Variants in B3GALT1 observed in about 807,000 individuals in gnomAD.
B3GALT1 encodes the protein beta-1,3-galactosyltransferase 1.
A neutral mutation model predicts 23.2 loss-of-function variants in B3GALT1; 10 were observed. That is an observed-to-expected ratio of 0.43 (90% CI 0.27 to 0.73). The LOEUF (loss-of-function observed/expected upper bound fraction) is 0.73, where lower values mean the gene tolerates loss of function less well. Ranked by LOEUF, B3GALT1 falls within the 30% of genes least tolerant of loss-of-function variation. The pLI is 0.21. For missense variants in B3GALT1, 299 were observed against 405.4 expected (o/e 0.74, Z 2.25); for synonymous variants, 156 against 141.5 (o/e 1.10, Z -0.73).
intron 2 of B3GALT1, among the ~76,000 whole-genome samples, chr2:167,646,376 T>C (rs1205406332): frequency 6.6e-6 from 1 of 152,218 alleles, no homozygotes; most frequent in African/African-American, 2.4e-5. Flanking sequence ...AGCAGTTCTT[T>C]CCTTGCGTGA....
At chr2:167,844,536 G>A (rs780502449) in intron 4 of B3GALT1, among the ~76,000 whole-genome samples, 1 of 152,202 alleles carries the variant, frequency 6.6e-6, no homozygotes, top group African/African-American at 2.4e-5. Flanking sequence ...CTGGAGCAGA[G>A]TCAATTTAGA....
chr2:167,471,864 A>T (rs1008266590), intron 1 of B3GALT1, among the ~76,000 whole-genome samples: 1 of 152,138 alleles, frequency 6.6e-6, no homozygotes, highest in Non-Finnish European at 1.5e-5. Context: ...TAAGACAATC[A>T]GTGGATAATA....
chr2:167,565,241 A>G (rs1456576750), intron 2 of B3GALT1, among the ~76,000 whole-genome samples: 1 of 152,218 alleles, frequency 6.6e-6, no homozygotes, highest in Non-Finnish European at 1.5e-5. Context: ...AACCTGAGAA[A>G]AAGAAGCAAT....
chr2:167,557,218 G>C (rs1330804917), intron 2 of B3GALT1, among the ~76,000 whole-genome samples: 2 of 151,742 alleles, frequency 1.3e-5, no homozygotes. Context: ...TGTGATCAAA[G>C]ACATTTTCAT....
chr2:167,323,811 T>G (rs1696848521), intron 1 of B3GALT1, among the ~76,000 whole-genome samples: 1 of 151,002 alleles, frequency 6.6e-6, no homozygotes, highest in Non-Finnish European at 1.5e-5. Context: ...AACTCAGTAC[T>G]TCATGCTTGG....
In B3GALT1 at chr2:167,869,173, G is replaced by T; in HGVS notation, c.134G>T (p.Arg45Met). 6.2e-7 allele frequency: 1 copy of T among 1,614,130 alleles called. No individual in the cohort carries two copies. Among genetic ancestry groups the T allele is most frequent in the African/African-American group, 1.3e-5 (1 of 75,004 alleles). The change falls in exon 5 of 5, where the codon AGG becomes ATG. Residue 45 changes from arginine (R) to methionine (M), a missense_variant. This residue lies in a region of B3GALT1 where 162 missense variants were observed against 184.1 expected (regional missense o/e 0.88). Transcript: ENST00000392690. This position sits in a 1 kb window ranked among gnomAD's most constrained non-coding sequence, Gnocchi z 6.4. ...CCATTCAGCCACCTAACAGTTGCCAGGAAAAACTTCACCTTTGGCAACATA... is the reference window on the plus strand; with the variant it reads ...CCATTCAGCCACCTAACAGTTGCCATGAAAAACTTCACCTTTGGCAACATA... ...SKPFSHLTVA[R>M]KNFTFGNIRT...
intron 3 of B3GALT1, among the ~76,000 whole-genome samples, chr2:167,780,489 T>C (rs7600099): frequency 0.27 from 40,956 of 152,126 alleles, 7,202 homozygotes; most frequent in African/African-American, 0.49. Context: ...CACTTTCAAA[T>C]AGGTAGTCAA....
intron 3 of B3GALT1, among the ~76,000 whole-genome samples, chr2:167,718,560 A>G (rs1010297974): frequency 6.6e-6 from 1 of 152,244 alleles, no homozygotes; most frequent in African/African-American, 2.4e-5. Context: ...ATAGTTTAAC[A>G]AGATACAAGT....
At chr2:167,665,749 G>A (rs1399687205) in intron 3 of B3GALT1, among the ~76,000 whole-genome samples, 4 of 152,160 alleles carry the variant, frequency 2.6e-5, no homozygotes, top group African/African-American at 4.8e-5. Flanking sequence ...GTTTATTTGC[G>A]TAGAGGTGTT....
At chr2:167,587,500 C>A (rs1684602815) in intron 2 of B3GALT1, among the ~76,000 whole-genome samples, 1 of 152,154 alleles carries the variant, frequency 6.6e-6, no homozygotes, top group African/African-American at 2.4e-5. Context: ...AGTGTGCTAG[C>A]TCCAGACCTA....
intron 2 of B3GALT1, among the ~76,000 whole-genome samples, chr2:167,545,086 G>C (rs1385491569): frequency 9.3e-5 from 12 of 129,440 alleles, no homozygotes; most frequent in African/African-American, 2.1e-4. Context: ...CCAGGCTGGA[G>C]TGCAGTGGCA....
chr2:167,479,401 A>G (rs1574096380), intron 1 of B3GALT1, among the ~76,000 whole-genome samples: 1 of 152,170 alleles, frequency 6.6e-6, no homozygotes, highest in East Asian at 1.9e-4. Context: ...CCACAGAACA[A>G]TCTCTTCTCC....
At chr2:167,487,018 G>T (rs1699637980) in intron 1 of B3GALT1, among the ~76,000 whole-genome samples, 1 of 152,124 alleles carries the variant, frequency 6.6e-6, no homozygotes, top group Admixed American at 6.5e-5. Context: ...TATTAAATAT[G>T]TGAAATGTAT....
chr2:167,384,469 C>G (rs1386338764), intron 1 of B3GALT1, among the ~76,000 whole-genome samples: 1 of 152,052 alleles, frequency 6.6e-6, no homozygotes, highest in African/African-American at 2.4e-5. Context: ...TTTTTGAAAC[C>G]CCTTCCTGAT....
chr2:167,304,791 A>G (rs1696524691), intron 1 of B3GALT1, among the ~76,000 whole-genome samples: 2 of 152,164 alleles, frequency 1.3e-5, no homozygotes, highest in African/African-American at 2.4e-5. Context: ...TCTGCCATCA[A>G]CAGGCTGGAA....
chr2:167,796,035 C>T (rs1688541828), intron 3 of B3GALT1, among the ~76,000 whole-genome samples: 1 of 152,212 alleles, frequency 6.6e-6, no homozygotes, highest in African/African-American at 2.4e-5. Flanking sequence ...AAATACACTT[C>T]AACTTTTAGA....
intron 1 of B3GALT1, among the ~76,000 whole-genome samples, chr2:167,433,485 A>G (rs1350429172): frequency 1.3e-5 from 2 of 152,226 alleles, no homozygotes; most frequent in Non-Finnish European, 1.5e-5. Flanking sequence ...AAGAAAATGT[A>G]GAATACATAG....
chr2:167,567,815 A>G (rs565024764), intron 2 of B3GALT1, among the ~76,000 whole-genome samples: 5 of 152,242 alleles, frequency 3.3e-5, no homozygotes, highest in South Asian at 4.1e-4. Context: ...CACATGTACA[A>G]TGACGTATAT....
chr2:167,371,856 A>C (rs962486960), intron 1 of B3GALT1, among the ~76,000 whole-genome samples: 4 of 151,890 alleles, frequency 2.6e-5, no homozygotes, highest in African/African-American at 7.2e-5. Context: ...TCAGAGGTAA[A>C]ATTTTTAGAA....
Sources: gnomAD v4.1 joint callset for allele counts (sites outside exome capture counted in the v4.1 genomes callset) on GRCh38, gnomAD v4.1.1 for gene constraint, gnomAD v4.1.1 regional missense constraint, Gnocchi (gnomAD v3.1) non-coding constraint, MANE v1.5 for transcripts, NCBI Gene and HGNC (gene_info 2026-07-23, HGNC 2026-07-21) for gene names.